The following CABIN1 variants were observed in gnomAD, a reference collection of about 807,000 sequenced individuals.
The protein encoded by CABIN1 is calcineurin-binding protein cabin-1.
A neutral mutation model predicts 227.7 loss-of-function variants in CABIN1; 133 were observed. That is an observed-to-expected ratio of 0.58 (90% CI 0.51 to 0.67). The LOEUF is 0.67. CABIN1 is among the 30% of genes least tolerant of loss of function. The pLI is 0.00. For missense variants in CABIN1, 2,408 were observed against 2,852.5 expected (o/e 0.84, Z 3.55); for synonymous variants, 1,086 against 1,155.1 (o/e 0.94, Z 1.21).
At chr22:24,028,008 A>G (rs2036223386) in intron 1 of CABIN1, among the ~76,000 whole-genome samples, 1 of 152,078 alleles carries the variant, frequency 6.6e-6, no homozygotes, top group Non-Finnish European at 1.5e-5. Flanking sequence ...AGACCACTGC[A>G]ATAAAGTGAA....
chr22:24,035,889 G>A (rs976483129), intron 2 of CABIN1, among the ~76,000 whole-genome samples, 200 bp from the exon 3 acceptor site: 3 of 44,146 alleles, frequency 6.8e-5, no homozygotes, highest in African/African-American at 2.7e-4. Context: ...CTCCCCCCTC[G>A]GCCCCCCACC....
intron 29 of CABIN1, among the ~76,000 whole-genome samples, chr22:24,136,812 C>T (rs2044454472): frequency 6.6e-6 from 1 of 151,882 alleles, no homozygotes; most frequent in African/African-American, 2.4e-5. Flanking sequence ...TTGACTGTGA[C>T]ATTACGTTAA....
intron 1 of CABIN1, among the ~76,000 whole-genome samples, chr22:24,029,575 G>A (rs2036345731): frequency 6.6e-6 from 1 of 151,910 alleles, no homozygotes; most frequent in Admixed American, 6.6e-5. Context: ...AAAAATGGTA[G>A]TTGCTAGTAA....
intron 10 of CABIN1, among the ~76,000 whole-genome samples, chr22:24,058,855 G>T (rs1569141988): frequency 6.6e-6 from 1 of 152,214 alleles, no homozygotes; most frequent in Non-Finnish European, 1.5e-5. Context: ...TTGTGAGGTG[G>T]TCCTTATTTG....
rs201376301 is a variant in CABIN1, at chr22:24,055,117, C to G, written c.1051C>G (p.Pro351Ala). The change falls in exon 9 of 37, where the codon CCA becomes GCA. Residue 351 changes from proline to alanine, a missense_variant. Coordinates refer to ENST00000263119, the MANE Select transcript of CABIN1 (RefSeq NM_012295.4). ...SYTSVATTSF[P>A]LHSPGLLETG... ...CACCTCTGTGGCTACAACCAGCTTCCCACTGCACAGTCCTGGTCTGTTGGA... is the reference window on the plus strand; with the variant it reads ...CACCTCTGTGGCTACAACCAGCTTCGCACTGCACAGTCCTGGTCTGTTGGA... 3.7e-5 allele frequency: 60 copies of G among 1,613,764 alleles called. 1 individual carries two copies. Among genetic ancestry groups the G allele is most frequent in the South Asian group, 3.3e-4 (30 of 91,088 alleles).
At chr22:24,023,778 G>C (rs1019283735) in intron 1 of CABIN1, among the ~76,000 whole-genome samples, 3 of 150,568 alleles carry the variant, frequency 2.0e-5, no homozygotes, top group Non-Finnish European at 3.0e-5. Flanking sequence ...CTGTCACCCA[G>C]GCTGGAGTGC....
In CABIN1 at chr22:24,072,451, A is replaced by G. The variant is rs373054316; in HGVS notation, c.2573A>G (p.Glu858Gly). The G allele has an allele frequency of 1.1e-4, 183 of 1,614,084 alleles. No homozygotes were observed. Among genetic ancestry groups the G allele is most frequent in the Non-Finnish European group, 1.2e-4 (140 of 1,180,048 alleles). ...ATTCTACACCGGATCATCTGGCAGG[A>G]GGAAGACACCTTCCATTCTCTGTGC... ...WIILHRIIWQ[E>G]EDTFHSLCHQ... The change falls in exon 18 of 37, where the codon GAG (glutamate) becomes GGG (glycine). Residue 858 changes from glutamate (E) to glycine (G), a missense_variant. Physicochemically the swap from Glu to Gly is moderately conservative, Grantham distance 98 (BLOSUM62 -2). Around this residue, in one of 3 missense-constraint regions of CABIN1, gnomAD observed 1,045 missense variants for 1,168.4 expected, o/e 0.89. Transcript: ENST00000263119.
chr22:24,066,603 A>T (rs950905521), intron 15 of CABIN1, among the ~76,000 whole-genome samples: 1 of 152,016 alleles, frequency 6.6e-6, no homozygotes, highest in African/African-American at 2.4e-5. Context: ...GCGTATGACA[A>T]CCTCTGGTCC....
intron 1 of CABIN1, among the ~76,000 whole-genome samples, chr22:24,028,898 G>C (rs1422738148): frequency 1.3e-5 from 2 of 152,186 alleles, no homozygotes; most frequent in Non-Finnish European, 2.9e-5. Context: ...TATTAAGAGG[G>C]ACAGACCCAG....
At chr22:24,091,877 G>A in intron 24 of CABIN1, 34 bp downstream of exon 24, 1 of 1,608,174 alleles carries the variant, frequency 6.2e-7, no homozygotes, top group Admixed American at 1.7e-5. Context: ...GGGGAAGCAG[G>A]GCAGGGGCAG....
chr22:24,154,358 C>T (rs1279985196), intron 29 of CABIN1, among the ~76,000 whole-genome samples: 2 of 152,162 alleles, frequency 1.3e-5, no homozygotes, highest in Non-Finnish European at 1.5e-5. Flanking sequence ...GGGACAGGTC[C>T]CAGCCATAGT....
rs556308783 is a variant in CABIN1 at position 24,050,898 on chromosome 22, C to T, written c.730C>T (p.Arg244Ter). The T allele has an allele frequency of 8.1e-6, 13 of 1,614,074 alleles. No homozygotes were observed. Among genetic ancestry groups the T allele is most frequent in the South Asian group, 1.1e-5 (1 of 91,074 alleles). The change falls in exon 8 of 37, where the codon CGA (arginine) becomes TGA (stop). Residue 244 changes from arginine (R) to a stop codon, truncating the protein, a stop_gained. Coordinates refer to ENST00000263119, the MANE Select transcript of CABIN1 (RefSeq NM_012295.4). LOFTEE classifies it high-confidence loss of function. ...QAIVDEALGLRKKRQALIVRE... is the reference protein window; with the variant it reads ...QAIVDEALGL ...GATTGTAGATGAGGCCTTGGGGCTG[C>T]GAAAAAAGAGGCAAGCGCTGATTGT...
chr22:24,114,002 T>C (rs2042946250), intron 27 of CABIN1, among the ~76,000 whole-genome samples: 2 of 152,250 alleles, frequency 1.3e-5, no homozygotes, highest in South Asian at 2.1e-4. Flanking sequence ...GTTGTTGTTA[T>C]GACCCTCACA....
rs1473374024 is a variant in CABIN1 at position 24,050,977 on chromosome 22, A to T, written c.806+3A>T. 8 of 1,614,012 alleles carry T rather than the reference A, an allele frequency of 5.0e-6. No individual in the cohort carries two copies. Among genetic ancestry groups the T allele is most frequent in the Non-Finnish European group, 6.8e-6 (8 of 1,180,036 alleles). On this transcript the variant is annotated splice_donor_region_variant and intron_variant, in intron 8 of 36. Transcript: ENST00000263119. ...GTGCAGCCCATTCCTTTCTTCACGT[A>T]GGTTGTCTAGCGTCTCTGGGAGTGC...
chr22:24,165,648 C>T (rs1248767608), intron 31 of CABIN1, 22 bp downstream of exon 31: 2 of 1,594,774 alleles, frequency 1.3e-6, no homozygotes, highest in Non-Finnish European at 1.7e-6. Flanking sequence ...GTGTCCTCCT[C>T]TCCTCCACGG....
chr22:24,027,072 C>A (rs963205316), intron 1 of CABIN1, among the ~76,000 whole-genome samples: 1 of 152,138 alleles, frequency 6.6e-6, no homozygotes, highest in African/African-American at 2.4e-5. Flanking sequence ...CCACTGTTTT[C>A]TTGGTTTCAG....
chr22:24,097,281 C>T (rs2041951542), intron 25 of CABIN1, among the ~76,000 whole-genome samples: 1 of 152,122 alleles, frequency 6.6e-6, no homozygotes, highest in Admixed American at 6.6e-5. Context: ...AGATCTCCTT[C>T]CAAGAGTTAG....
intron 6 of CABIN1, among the ~76,000 whole-genome samples, chr22:24,045,150 T>C (rs2037756014): frequency 6.6e-6 from 1 of 152,238 alleles, no homozygotes. Flanking sequence ...GTTCTTGATC[T>C]CCTGACCTCG....
chr22:24,020,119 T>G lies in CABIN1; in HGVS notation c.-75+8752T>G, dbSNP rs112579581. Among the ~76,000 whole-genome samples the G allele has an allele frequency of 2.8e-4, 42 of 152,214 alleles. 1 individual carries two copies. The highest frequency in any genetic ancestry group is 5.1e-4 in the Non-Finnish European group (35 of 68,034). ...TCTGAAATAAGGTTTGCCCATGAAA[T>G]AAGATTTTGGCTTTAGGACTAAGGT... On this transcript the variant is annotated intron_variant, in intron 1 of 36. Coordinates refer to ENST00000263119, the MANE Select transcript of CABIN1 (RefSeq NM_012295.4).
Sources: gnomAD v4.1 joint callset for allele counts (sites outside exome capture counted in the v4.1 genomes callset) on GRCh38, gnomAD v4.1.1 for gene constraint, gnomAD v4.1.1 regional missense constraint, MANE v1.5 for transcripts, NCBI Gene and HGNC (gene_info 2026-07-23, HGNC 2026-07-21) for gene names.